The following AHRR variants were observed in gnomAD, a reference collection of about 807,000 sequenced individuals.
AHRR encodes the protein ahR repressor.
Under a neutral mutation model 44.0 loss-of-function variants are expected in AHRR, and 28 were observed. The observed-to-expected ratio is 0.64, with a 90% CI of 0.47 to 0.87. AHRR has a LOEUF of 0.87. AHRR is among the 40% of genes least tolerant of loss of function. The pLI, the probability that AHRR is intolerant of heterozygous loss-of-function variation, is 0.00. For synonymous variants in AHRR, 434 were observed against 407.0 expected, an observed-to-expected ratio of 1.07 and a Z score of -0.80; for missense variants, 990 against 953.9, an observed-to-expected ratio of 1.04 and a Z score of -0.50.
chr5:420,646 G>A (rs1473656634), intron 5 of AHRR, among the ~76,000 whole-genome samples: 5 of 152,228 alleles, frequency 3.3e-5, no homozygotes, highest in African/African-American at 9.6e-5. Flanking sequence ...CATGTGGAGA[G>A]GATGGAAGGG....
chr5:327,933 G>A lies in AHRR; in HGVS notation c.-11+6114G>A, dbSNP rs1045453204. 4.6e-5 allele frequency among the ~76,000 whole-genome samples: 7 copies of A among 151,976 alleles called. No homozygotes were observed. The South Asian group carries it at 8.3e-4, about 18-fold the overall frequency. ...ATATCTCCTAATGCTATCCCTCCCC[G>A]CTCCCCCTACCCTACAACAGTCCCC... On this transcript the variant is annotated intron_variant, in intron 1 of 10. Transcript: ENST00000684583.
intron 1 of AHRR, chr5:343,540 C>T (rs1742439570): frequency 1.3e-5 from 4 of 301,374 alleles, no homozygotes; most frequent in Middle Eastern, 9.7e-4. Flanking sequence ...TTGGCTGCGC[C>T]CCGCCCCGCC....
intron 4 of AHRR, among the ~76,000 whole-genome samples, chr5:396,723 C>A (rs192699643): frequency 6.6e-6 from 1 of 152,220 alleles, no homozygotes; most frequent in Middle Eastern, 3.4e-3. Context: ...GGAAGCATGC[C>A]GGCCCTGCAG....
At chr5:427,673 T>C in intron 7 of AHRR, 134 bp from the exon 8 acceptor site, 18 of 1,613,566 alleles carry the variant, frequency 1.1e-5, no homozygotes, top group Non-Finnish European at 1.5e-5. Flanking sequence ...GCGGCTCTGC[T>C]GTCCCGAGCC....
intron 2 of AHRR, among the ~76,000 whole-genome samples, chr5:351,588 A>G (rs1369683164): frequency 6.6e-6 from 1 of 152,218 alleles, no homozygotes; most frequent in African/African-American, 2.4e-5. Flanking sequence ...GCCAGGGCTA[A>G]CAGAAGGGGA....
intron 1 of AHRR, among the ~76,000 whole-genome samples, chr5:341,932 A>G (rs764645010): frequency 1.2e-4 from 19 of 152,146 alleles, no homozygotes; most frequent in Non-Finnish European, 2.8e-4. Flanking sequence ...AAATATTTTT[A>G]AATTTCTTTG....
At position 393,358 on chromosome 5, in the gene AHRR, C is replaced by T. The variant is rs34562675; in HGVS notation, c.351+16642C>T. On this transcript the variant is annotated intron_variant, in intron 4 of 10. Transcript: ENST00000684583. ...TCCAGCCCAGGGCACCCGATCACGT[C>T]GCTCACTAACCGATCCTTCCTCCTC... Among the ~76,000 whole-genome samples the T allele has an allele frequency of 2.2e-3, 338 of 152,360 alleles. 2 individuals carry two copies. The highest frequency in any genetic ancestry group is 4.0e-3 in the Non-Finnish European group (269 of 68,034).
At position 336,393 on chromosome 5, in the gene AHRR, G is replaced by A. The variant is rs115965581; in HGVS notation, c.-10-7500G>A. The stretch of plus-strand genomic sequence containing the variant: ...AAAATAGATTCAAAGTGTGATCATC[G>A]ACACATTATTTTGGTTCTTCTAAGT... On this transcript the variant is annotated intron_variant, in intron 1 of 10. Coordinates refer to ENST00000684583, the MANE Select transcript of AHRR (RefSeq NM_001377236.1). 6.8e-3 allele frequency among the ~76,000 whole-genome samples: 1,031 copies of A among 152,258 alleles called. 9 individuals are homozygous for A. Among genetic ancestry groups the A allele is most frequent in the African/African-American group, 0.023 (974 of 41,554 alleles).
chr5:356,472 C>T (rs1743051641), intron 3 of AHRR, among the ~76,000 whole-genome samples: 1 of 151,174 alleles, frequency 6.6e-6, no homozygotes, highest in African/African-American at 2.4e-5. Context: ...AGGAAGAGCG[C>T]CCGCGAGTGG....
chr5:339,761 T>A (rs560886716), intron 1 of AHRR, among the ~76,000 whole-genome samples: 28 of 152,300 alleles, frequency 1.8e-4, no homozygotes, highest in African/African-American at 6.7e-4. Context: ...TATGAATGGA[T>A]TTGGATTTTG....
intron 1 of AHRR, among the ~76,000 whole-genome samples, chr5:335,605 T>C (rs374024038): frequency 2.0e-5 from 3 of 152,236 alleles, no homozygotes; most frequent in African/African-American, 7.2e-5. Context: ...CACTGGGTGA[T>C]TTTCAGGGCC....
At chr5:428,038 G>A in intron 8 of AHRR, 32 bp downstream of exon 8, 3 of 1,593,530 alleles carry the variant, frequency 1.9e-6, no homozygotes, top group Non-Finnish European at 2.6e-6. Flanking sequence ...CAGCCACATG[G>A]TGCCTGCTGG....
chr5:436,915 C>A lies in AHRR; in HGVS notation c.*2081C>A, dbSNP rs1443438080. On this transcript the variant is annotated 3_prime_UTR_variant, in exon 11 of 11. Transcript: ENST00000684583. Reference sequence around the variant, plus strand: ...GCACAGAGCCCCTCTTTATTCATTTCTCATGCTGAGCATGGCACACTTCTG... The same window carrying A: ...GCACAGAGCCCCTCTTTATTCATTTATCATGCTGAGCATGGCACACTTCTG... 1 of 152,410 alleles carries A rather than the reference C, an allele frequency of 6.6e-6. No homozygotes were observed. Among genetic ancestry groups the A allele is most frequent in the East Asian group, 1.9e-4 (1 of 5,336 alleles). 9.4% of individuals were successfully genotyped at this position (152,410 alleles called of 1,614,324 possible). A position where few individuals can be genotyped will look rare whatever the true frequency, so the allele number is the denominator to read the frequency against.
rs570719293 is a variant in AHRR, at chr5:370,128, G to A, written c.245-6482G>A. On this transcript the variant is annotated intron_variant, in intron 3 of 10. Coordinates refer to ENST00000684583, the MANE Select transcript of AHRR (RefSeq NM_001377236.1). This position sits in a 1 kb window ranked among gnomAD's most constrained non-coding sequence, Gnocchi z 4.5. ...CCCTCGCTGGAAGCCCCGTCCTCCCGGGCCCTCGCTGGTGCCCCGTCCTCC... is the reference window on the plus strand; with the variant it reads ...CCCTCGCTGGAAGCCCCGTCCTCCCAGGCCCTCGCTGGTGCCCCGTCCTCC... Among the ~76,000 whole-genome samples the A allele has an allele frequency of 0.015, 2,099 of 137,986 alleles. No individual in the cohort carries two copies. Among genetic ancestry groups the A allele is most frequent in the Non-Finnish European group, 0.021 (1,285 of 60,830 alleles). The allele number at this position is 137,986 out of a possible 152,430, so 90.5% of individuals were successfully genotyped here. A position where few individuals can be genotyped will look rare whatever the true frequency, so the allele number is the denominator to read the frequency against.
chr5:426,286 GTGGA>G (rs748660931), intron 7 of AHRR, among the ~76,000 whole-genome samples: 11 of 149,930 alleles, frequency 7.3e-5, no homozygotes, highest in Admixed American at 2.0e-4. Context: ...GGATGGATGA[GTGGA>G]TGGATGGATG....
rs1430431408 is a variant in AHRR at position 419,529 on chromosome 5, AG to A, written c.442-3196del. Among the ~76,000 whole-genome samples the A allele has an allele frequency of 6.6e-6, 1 of 152,146 alleles. No homozygotes were observed. Among genetic ancestry groups the A allele is most frequent in the Non-Finnish European group, 1.5e-5 (1 of 68,022 alleles). On this transcript the variant is annotated intron_variant, in intron 5 of 10. Transcript: ENST00000684583. This position sits in a 1 kb window ranked among gnomAD's most constrained non-coding sequence, Gnocchi z 4.4. ...GAAATTAGGGATGGCAGCAAGTGTAAGGGGAATGTTGCTTGCCTCTGGATGC... is the reference window on the plus strand; with the variant it reads ...GAAATTAGGGATGGCAGCAAGTGTAAGGGAATGTTGCTTGCCTCTGGATGC...
chr5:330,869 ATTTTTTTT>A (rs34221385), intron 1 of AHRR, among the ~76,000 whole-genome samples: 58 of 97,452 alleles, frequency 6.0e-4, no homozygotes, highest in African/African-American at 2.5e-3. Context: ...ATAATTCAGC[ATTTTTTTT>A]TTTTTTTTTT....
In AHRR at chr5:404,400, T is replaced by C. The variant is rs1735167821; in HGVS notation, c.352-8944T>C. On this transcript the variant is annotated intron_variant, in intron 4 of 10. Transcript: ENST00000684583. The surrounding 1 kb of genome is among the most constrained non-coding windows in gnomAD (Gnocchi z 4.1). ...AGTGGTCCTAAAGCCTTTTGCATGATTTAGGAAGGAGAGTCTTGGGGCAGA... is the reference window on the plus strand; with the variant it reads ...AGTGGTCCTAAAGCCTTTTGCATGACTTAGGAAGGAGAGTCTTGGGGCAGA... 1.9e-6 allele frequency: 1 copy of C among 537,002 alleles called. No individual in the cohort carries two copies. Among genetic ancestry groups the C allele is most frequent in the Non-Finnish European group, 3.8e-6 (1 of 263,940 alleles). The allele number at this position is 537,002 out of a possible 1,614,324, so 33.3% of individuals were successfully genotyped here.
intron 4 of AHRR, among the ~76,000 whole-genome samples, chr5:378,051 G>T (rs139046338): frequency 5.9e-5 from 9 of 152,166 alleles, no homozygotes; most frequent in Non-Finnish European, 1.2e-4. Context: ...TCTGGCCCAC[G>T]GAAATTTCTG....
Sources: gnomAD v4.1 joint callset for allele counts (sites outside exome capture counted in the v4.1 genomes callset) on GRCh38, gnomAD v4.1.1 for gene constraint, Gnocchi (gnomAD v3.1) non-coding constraint, MANE v1.5 for transcripts, NCBI Gene and HGNC (gene_info 2026-07-23, HGNC 2026-07-21) for gene names.